HOMER1: variants seen among roughly 807,000 people sequenced by gnomAD.
HOMER1 encodes homer scaffold protein 1.
Under a neutral mutation model 48.9 loss-of-function variants are expected in HOMER1, and 3 were observed. The ratio of observed to expected loss-of-function variants is 0.06; its 90% confidence interval spans 0.03 to 0.16. HOMER1 has a LOEUF of 0.16. Among genes scored for constraint, HOMER1 ranks in the 10% least tolerant of loss-of-function variants. HOMER1 has a pLI of 1.00. For missense variants in HOMER1, 247 were observed against 411.4 expected, an observed-to-expected ratio of 0.60 and a Z score of 3.46; for synonymous variants, 134 against 146.4, an observed-to-expected ratio of 0.92 and a Z score of 0.61.
chr5:79,458,577 C>G (rs1751235028), intron 1 of HOMER1, among the ~76,000 whole-genome samples: 1 of 151,982 alleles, frequency 6.6e-6, no homozygotes, highest in South Asian at 2.1e-4. Context: ...CCATTTCAAC[C>G]CTTAGAGAGT....
At chr5:79,457,118 A>C (rs908230236) in intron 1 of HOMER1, 100 bp from the exon 2 acceptor site, 22 of 1,076,902 alleles carry the variant, frequency 2.0e-5, no homozygotes, top group Middle Eastern at 4.1e-4. Flanking sequence ...CTTAATCAAC[A>C]ATTTCCACAT....
chr5:79,392,042 A>G (rs2112207080), intron 8 of HOMER1, among the ~76,000 whole-genome samples: 1 of 152,288 alleles, frequency 6.6e-6, no homozygotes, highest in South Asian at 2.1e-4. Context: ...ATGCCGATAT[A>G]AATAAATCTA....
intron 5 of HOMER1, among the ~76,000 whole-genome samples, chr5:79,426,253 A>C (rs1750247867): frequency 6.6e-6 from 1 of 152,150 alleles, no homozygotes; most frequent in Non-Finnish European, 1.5e-5. Context: ...CATATGATCC[A>C]GCAATCCCAC....
chr5:79,452,516 T>A (rs1378434804), intron 2 of HOMER1, among the ~76,000 whole-genome samples: 2 of 152,220 alleles, frequency 1.3e-5, no homozygotes, highest in Non-Finnish European at 2.9e-5. Context: ...AACTCTTAAA[T>A]GTGGAATGAT....
chr5:79,397,144 C>T (rs2201401), intron 7 of HOMER1, among the ~76,000 whole-genome samples: 72,574 of 151,992 alleles, frequency 0.48, 20,638 homozygotes, highest in African/African-American at 0.79. Context: ...GAAATAACAA[C>T]CTGAACATTT....
intron 8 of HOMER1, among the ~76,000 whole-genome samples, chr5:79,383,299 G>A (rs560181647): frequency 2.8e-4 from 42 of 151,926 alleles, no homozygotes; most frequent in African/African-American, 9.2e-4. Flanking sequence ...GCATTAGACA[G>A]ATCATCTAGA....
chr5:79,508,221 T>C lies in HOMER1; in HGVS notation c.5+4549A>G, dbSNP rs192628124. Among the ~76,000 whole-genome samples, 742 of 152,366 alleles carry C rather than the reference T, an allele frequency of 4.9e-3. 2 individuals carry two copies. The highest frequency in any genetic ancestry group is 7.7e-3 in the Non-Finnish European group (523 of 68,036). On this transcript the variant is annotated intron_variant, in intron 1 of 8. Transcript: ENST00000334082. ...AGAGAAGTGCTTTTCAAATTACCAG[T>C]TGCTAACACAGCGTCATTAAATAAA...
chr5:79,429,819 C>CA (rs1750369927), intron 5 of HOMER1, among the ~76,000 whole-genome samples: 1 of 152,074 alleles, frequency 6.6e-6, no homozygotes, highest in Non-Finnish European at 1.5e-5. Flanking sequence ...GTCAGGAGAT[C>CA]AAAACCATCC....
intron 1 of HOMER1, among the ~76,000 whole-genome samples, chr5:79,500,952 TGA>T (rs1491395339): frequency 0.01 from 1,101 of 108,584 alleles, 17 homozygotes; most frequent in African/African-American, 0.045. Context: ...TGTGTGTGTG[TGA>T]GACAGACAGA....
intron 1 of HOMER1, among the ~76,000 whole-genome samples, chr5:79,469,828 A>G (rs971816434): frequency 6.6e-5 from 10 of 152,154 alleles, no homozygotes; most frequent in African/African-American, 2.4e-4. Flanking sequence ...CACGTAACAA[A>G]AACTATAGAC....
intron 8 of HOMER1, among the ~76,000 whole-genome samples, chr5:79,388,155 G>A (rs753494649): frequency 3.3e-5 from 5 of 152,102 alleles, no homozygotes; most frequent in Non-Finnish European, 4.4e-5. Flanking sequence ...TATAAGAAAG[G>A]AACTTAACAG....
intron 5 of HOMER1, among the ~76,000 whole-genome samples, chr5:79,409,753 G>A (rs1030013483): frequency 4.6e-5 from 7 of 152,156 alleles, no homozygotes; most frequent in African/African-American, 1.7e-4. Context: ...ATAAACAGGT[G>A]CTAAGCACTT....
At chr5:79,428,174 T>C (rs974067369) in intron 5 of HOMER1, among the ~76,000 whole-genome samples, 3 of 152,270 alleles carry the variant, frequency 2.0e-5, no homozygotes, top group East Asian at 1.9e-4. Flanking sequence ...TATTTGTCAA[T>C]GAATAAATTC....
At chr5:79,490,783 A>G (rs1464775835) in intron 1 of HOMER1, among the ~76,000 whole-genome samples, 1 of 146,858 alleles carries the variant, frequency 6.8e-6, no homozygotes, top group Non-Finnish European at 1.5e-5. Flanking sequence ...AAAAAAAACA[A>G]AAAAAAAAAC....
intron 8 of HOMER1, among the ~76,000 whole-genome samples, chr5:79,384,506 A>G (rs1260326886): frequency 6.6e-6 from 1 of 152,230 alleles, no homozygotes; most frequent in Non-Finnish European, 1.5e-5. Context: ...ATCAGTAGTA[A>G]GAAGTCTCCC....
At chr5:79,452,838 G>T (rs1011491227) in intron 2 of HOMER1, among the ~76,000 whole-genome samples, 1 of 152,140 alleles carries the variant, frequency 6.6e-6, no homozygotes, top group African/African-American at 2.4e-5. Context: ...TTACCCTTCA[G>T]TTCAAAAACT....
At chr5:79,509,061 T>C (rs1414363383) in intron 1 of HOMER1, among the ~76,000 whole-genome samples, 1 of 152,216 alleles carries the variant, frequency 6.6e-6, no homozygotes, top group Non-Finnish European at 1.5e-5. Context: ...ACATTTTTGC[T>C]ACAACCCCTA....
intron 1 of HOMER1, among the ~76,000 whole-genome samples, chr5:79,509,681 T>C (rs1387535234): frequency 6.6e-6 from 1 of 152,252 alleles, no homozygotes; most frequent in African/African-American, 2.4e-5. Flanking sequence ...TTTGACAGAC[T>C]TTGCCAACTG....
chr5:79,426,922 A>G (rs1393673821), intron 5 of HOMER1, among the ~76,000 whole-genome samples: 1 of 152,178 alleles, frequency 6.6e-6, no homozygotes, highest in Non-Finnish European at 1.5e-5. Context: ...ATAAATATGT[A>G]CAACTATAAT....
Sources: gnomAD v4.1 joint callset for allele counts (sites outside exome capture counted in the v4.1 genomes callset) on GRCh38, gnomAD v4.1.1 for gene constraint, MANE v1.5 for transcripts, NCBI Gene and HGNC (gene_info 2026-07-23, HGNC 2026-07-21) for gene names.